The following MIER2 variants were observed in gnomAD, a reference collection of about 807,000 sequenced individuals.
The protein encoded by MIER2 is MIER family member 2.
Under a neutral mutation model 67.6 loss-of-function variants are expected in MIER2, and 30 were observed. The observed-to-expected ratio is 0.44, with a 90% CI of 0.33 to 0.60. The LOEUF is 0.60. Ranked by LOEUF, MIER2 falls within the 20% of genes least tolerant of loss-of-function variation. MIER2 has a pLI of 0.02. For synonymous variants in MIER2, 372 were observed against 312.6 expected (o/e 1.19, Z -2.00); for missense variants, 702 against 745.1 (o/e 0.94, Z 0.67).
At chr19:318,066 T>C (rs1971337600) in intron 7 of MIER2, among the ~76,000 whole-genome samples, 1 of 152,090 alleles carries the variant, frequency 6.6e-6, no homozygotes, top group Non-Finnish European at 1.5e-5. Context: ...TAGCTGGGCA[T>C]GGTGGCGGAC....
intron 12 of MIER2, 70 bp from the exon 13 acceptor site, chr19:307,606 A>T (rs1970715078): frequency 2.1e-6 from 3 of 1,417,062 alleles, no homozygotes; most frequent in Non-Finnish European, 2.8e-6. Flanking sequence ...CTCCTGCCTA[A>T]CTTTGCTGGG....
chr19:344,575 G>A (rs879780719), intron 1 of MIER2, 199 bp downstream of exon 1: 1 of 142,328 alleles, frequency 7.0e-6, no homozygotes, highest in Non-Finnish European at 7.9e-6. Flanking sequence ...GGGGAGTTGG[G>A]GGGTGGGGGC....
intron 7 of MIER2, among the ~76,000 whole-genome samples, chr19:317,266 A>ATG (rs1971277538): frequency 4.2e-5 from 6 of 144,014 alleles, no homozygotes; most frequent in Non-Finnish European, 6.1e-5. Context: ...GGTGGCGGGC[A>ATG]CCTGTAATCC....
At chr19:340,115 A>T (rs1972436044) in intron 1 of MIER2, among the ~76,000 whole-genome samples, 1 of 152,222 alleles carries the variant, frequency 6.6e-6, no homozygotes, top group Non-Finnish European at 1.5e-5. Context: ...CATTCCCCTC[A>T]CAAAAAAACA....
chr19:336,816 T>C (rs1055296959), intron 1 of MIER2, among the ~76,000 whole-genome samples: 2 of 152,182 alleles, frequency 1.3e-5, no homozygotes, highest in Admixed American at 1.3e-4. Context: ...ACAAAACCAT[T>C]ATAAGTTACC....
At chr19:306,912 G>C (rs1342239741) in intron 13 of MIER2, among the ~76,000 whole-genome samples, 1 of 152,246 alleles carries the variant, frequency 6.6e-6, no homozygotes, top group African/African-American at 2.4e-5. Flanking sequence ...CATTTGTGGA[G>C]AATGTGGACC....
rs756058374 is a variant in MIER2, at chr19:327,250, T to C, written c.376A>G (p.Ile126Val). Residue 126 changes from isoleucine (I) to valine (V), a missense_variant, in exon 5 of 14, where the codon ATA becomes GTA. Transcript: ENST00000264819. Reference sequence around the variant, plus strand: ...TCCCCTGAAAGCAAATCCTTCGCTATTTGTTCCTTTAAAAAAAAAAAAAAA... The same window carrying C: ...TCCCCTGAAAGCAAATCCTTCGCTACTTGTTCCTTTAAAAAAAAAAAAAAA... ...LPDMTLDKEQ[I>V]AKDLLSGEEE... The C allele has an allele frequency of 6.4e-7, 1 of 1,574,074 alleles. No homozygotes were observed. Among genetic ancestry groups the C allele is most frequent in the South Asian group, 1.2e-5 (1 of 84,770 alleles).
intron 1 of MIER2, chr19:343,904 C>T (rs553882312): frequency 3.0e-6 from 3 of 985,394 alleles, no homozygotes; most frequent in South Asian, 9.4e-5. Flanking sequence ...GCTTCAAAAG[C>T]GAAAGTTTCT....
At chr19:314,845 T>C (rs1971166927) in intron 7 of MIER2, among the ~76,000 whole-genome samples, 1 of 152,032 alleles carries the variant, frequency 6.6e-6, no homozygotes, top group Non-Finnish European at 1.5e-5. Context: ...ATCCCAGCAC[T>C]CTGGGAGGCT....
intron 7 of MIER2, among the ~76,000 whole-genome samples, chr19:316,700 G>T (rs575000364): frequency 6.6e-6 from 1 of 152,212 alleles, no homozygotes; most frequent in Non-Finnish European, 1.5e-5. Flanking sequence ...TGTGAGGCCC[G>T]GTGTGGTGGC....
At chr19:313,367 C>G (rs988016833) in intron 8 of MIER2, 125 bp downstream of exon 8, 4 of 1,441,728 alleles carry the variant, frequency 2.8e-6, no homozygotes, top group Non-Finnish European at 3.7e-6. Context: ...AGTGCCCTGG[C>G]CCCCACACAC....
At chr19:341,893 C>T (rs940268865) in intron 1 of MIER2, among the ~76,000 whole-genome samples, 19 of 152,172 alleles carry the variant, frequency 1.2e-4, no homozygotes, top group Admixed American at 2.6e-4. Flanking sequence ...AAGACTGCAC[C>T]AGAGGACTGG....
At chr19:331,920 G>T (rs1411534330) in intron 3 of MIER2, among the ~76,000 whole-genome samples, 1 of 152,064 alleles carries the variant, frequency 6.6e-6, no homozygotes, top group Non-Finnish European at 1.5e-5. Flanking sequence ...GGCGGAGGAT[G>T]CAGTGAGCCA....
chr19:329,866 CAAAAAAA>C (rs36067469), intron 3 of MIER2, among the ~76,000 whole-genome samples: 17 of 94,782 alleles, frequency 1.8e-4, no homozygotes, highest in African/African-American at 6.4e-4. Context: ...TACTCCGTCT[CAAAAAAA>C]AAAAAAAAAA....
intron 7 of MIER2, among the ~76,000 whole-genome samples, chr19:323,391 T>C (rs1268312240): frequency 7.0e-6 from 1 of 142,822 alleles, no homozygotes; most frequent in African/African-American, 2.6e-5. Context: ...ACCACACAGA[T>C]GACTCAAAGA....
chr19:336,102 C>T lies in MIER2; in HGVS notation c.81G>A (p.Pro27=), dbSNP rs35953308. 0.06 allele frequency: 95,951 copies of T among 1,611,952 alleles called. 3,447 individuals carry two copies. Among genetic ancestry groups the T allele is most frequent in the Non-Finnish European group, 0.069 (81,235 of 1,178,350 alleles). The change falls in exon 2 of 14, where the codon CCG becomes CCA. Residue 27 remains proline, a synonymous_variant. Coordinates refer to ENST00000264819, the MANE Select transcript of MIER2 (RefSeq NM_017550.3). ...AGGTACCTGCTGTTGTCTGCAAGCC[C>T]GGCTCCCCTGGGCACAGGCTGTGCT... ...CLEHSLCPGE[P]GLQTTAVVSM...
intron 8 of MIER2, among the ~76,000 whole-genome samples, chr19:313,270 C>T (rs151019962): frequency 6.6e-6 from 1 of 152,152 alleles, no homozygotes; most frequent in East Asian, 1.9e-4. Flanking sequence ...GTGTCTACAT[C>T]CCCTTGCAGG....
At chr19:309,074 T>C in intron 10 of MIER2, 149 bp from the exon 11 acceptor site, 1 of 1,145,352 alleles carries the variant, frequency 8.7e-7, no homozygotes, top group Non-Finnish European at 1.2e-6. Context: ...CCCCGACCCA[T>C]GACCCTAACA....
chr19:341,440 C>T (rs897043994), intron 1 of MIER2, among the ~76,000 whole-genome samples: 1 of 152,090 alleles, frequency 6.6e-6, no homozygotes, highest in African/African-American at 2.4e-5. Context: ...AAGAGGGAAG[C>T]GGCTGGGAAC....
Sources: gnomAD v4.1 joint callset for allele counts (sites outside exome capture counted in the v4.1 genomes callset) on GRCh38, gnomAD v4.1.1 for gene constraint, MANE v1.5 for transcripts, NCBI Gene and HGNC (gene_info 2026-07-23, HGNC 2026-07-21) for gene names.